The following MAST2 variants were observed in gnomAD, a reference collection of about 807,000 sequenced individuals.
MAST2 encodes the protein microtubule associated serine/threonine kinase 2.
MAST2 carries 70 observed loss-of-function variants against 147.4 expected under a neutral mutation model. The observed-to-expected ratio is 0.47, with a 90% CI of 0.39 to 0.58. The LOEUF (loss-of-function observed/expected upper bound fraction) is 0.58. MAST2 is among the 20% of genes least tolerant of loss of function. MAST2 has a pLI of 0.00. For synonymous variants in MAST2, 869 were observed against 896.8 expected, an observed-to-expected ratio of 0.97 and a Z score of 0.55; for missense variants, 2,080 against 2,302.3, an observed-to-expected ratio of 0.90 and a Z score of 1.98.
chr1:46,008,054 C>T (rs576040004), intron 8 of MAST2, among the ~76,000 whole-genome samples: 1 of 152,192 alleles, frequency 6.6e-6, no homozygotes, highest in South Asian at 2.1e-4. Context: ...CTTTCTAGGT[C>T]TTTCTAGCCT....
chr1:45,899,138 A>T (rs1415220928), intron 4 of MAST2, among the ~76,000 whole-genome samples: 1 of 152,164 alleles, frequency 6.6e-6, no homozygotes, highest in Non-Finnish European at 1.5e-5. Flanking sequence ...CTTTGATCAG[A>T]GGAGTAGTCT....
chr1:45,845,051 A>C (rs1645388108), intron 3 of MAST2, among the ~76,000 whole-genome samples: 1 of 152,144 alleles, frequency 6.6e-6, no homozygotes, highest in South Asian at 2.1e-4. Flanking sequence ...CACCTCTCAA[A>C]AGGCCAAATC....
intron 3 of MAST2, among the ~76,000 whole-genome samples, chr1:45,830,188 T>TTA (rs1294716497): frequency 2.7e-5 from 4 of 146,824 alleles, no homozygotes; most frequent in African/African-American, 1.0e-4. Context: ...AATCTTTTTT[T>TTA]TTTTTTTTTT....
chr1:45,965,333 A>G (rs1317262879), intron 5 of MAST2, among the ~76,000 whole-genome samples: 1 of 152,132 alleles, frequency 6.6e-6, no homozygotes, highest in Admixed American at 6.5e-5. Flanking sequence ...AAAGTCTCCC[A>G]TTATTATTGT....
rs1356998133 is a variant in MAST2, at chr1:45,832,873, C to A, written c.468+3292C>A. ...GGTGTATTTCACAGACATGTACAGC[C>A]ATCACTGTAGTCAATTTAAGAATAT... On this transcript the variant is annotated intron_variant, in intron 3 of 28. Transcript: ENST00000361297. 3.3e-5 allele frequency among the ~76,000 whole-genome samples: 5 copies of A among 152,094 alleles called. No individual in the cohort carries two copies. The East Asian group carries it at 9.6e-4, about 29-fold the overall frequency.
intron 4 of MAST2, among the ~76,000 whole-genome samples, chr1:45,931,377 G>GCTT (rs1553235899): frequency 9.9e-6 from 1 of 101,224 alleles, no homozygotes; most frequent in African/African-American, 3.9e-5. Flanking sequence ...ATTGTGTTCT[G>GCTT]TTTTTTTTTT....
intron 5 of MAST2, among the ~76,000 whole-genome samples, chr1:45,960,980 T>C (rs999761664): frequency 6.6e-6 from 1 of 152,168 alleles, no homozygotes; most frequent in Admixed American, 6.5e-5. Context: ...ATGTGGAGTA[T>C]TTGAGGGTCC....
chr1:45,943,049 A>G (rs2148813408), intron 4 of MAST2, among the ~76,000 whole-genome samples: 1 of 152,340 alleles, frequency 6.6e-6, no homozygotes, highest in Middle Eastern at 3.4e-3. Flanking sequence ...AGAGAAGGAA[A>G]TTTGAGCTGA....
At chr1:45,822,661 C>T (rs1242728963) in intron 1 of MAST2, among the ~76,000 whole-genome samples, 3 of 152,182 alleles carry the variant, frequency 2.0e-5, no homozygotes, top group African/African-American at 7.2e-5. Flanking sequence ...TCCACATTGT[C>T]TTCATAGAGG....
At chr1:45,937,025 A>C (rs1040360507) in intron 4 of MAST2, among the ~76,000 whole-genome samples, 2 of 140,256 alleles carry the variant, frequency 1.4e-5, no homozygotes, top group Non-Finnish European at 3.0e-5. Context: ...TAAAGGCATT[A>C]TACCACCATG....
At chr1:45,915,842 A>G (rs747757604) in intron 4 of MAST2, among the ~76,000 whole-genome samples, 68 of 152,212 alleles carry the variant, frequency 4.5e-4, no homozygotes, top group Non-Finnish European at 8.2e-4. Flanking sequence ...TTGTACAAGC[A>G]TATTATTCAG....
At position 45,907,665 on chromosome 1, in the gene MAST2, C is replaced by A. The variant is rs999108253; in HGVS notation, c.500+25270C>A. On this transcript the variant is annotated intron_variant, in intron 4 of 28. Transcript: ENST00000361297. The stretch of plus-strand genomic sequence containing the variant: ...ATGCAACTGTTGTCACCATCTATTT[C>A]TAAAACTTTTCCATGGTCCCAGGTA... Among the ~76,000 whole-genome samples the A allele has an allele frequency of 6.6e-5, 10 of 152,148 alleles. 1 individual carries two copies. Among genetic ancestry groups the A allele is most frequent in the African/African-American group, 7.2e-5 (3 of 41,416 alleles).
chr1:45,932,305 C>A (rs976538429), intron 4 of MAST2, among the ~76,000 whole-genome samples: 2 of 152,114 alleles, frequency 1.3e-5, no homozygotes, highest in Admixed American at 1.3e-4. Context: ...TCTTTCTATA[C>A]CCATCAGTTG....
chr1:45,886,911 G>A (rs1647117797), intron 4 of MAST2, among the ~76,000 whole-genome samples: 1 of 152,090 alleles, frequency 6.6e-6, no homozygotes. Context: ...ACTGCAGCCT[G>A]GTCCTCCCTG....
At position 46,035,215 on chromosome 1, in the gene MAST2, C is replaced by CAGGGT. The variant is rs1220576826; in HGVS notation, c.4547_4551dup (p.Ala1518ArgfsTer6). The stretch of plus-strand genomic sequence containing the variant: ...CACCGAGGAAGGGCCTGAGAACAGC[C>CAGGGT]AGGGTGCACAGGAGCTGAGCTTGGC... On this transcript the variant is annotated frameshift_variant, in exon 29 of 29. Transcript: ENST00000361297. LOFTEE classifies it low-confidence loss of function (END_TRUNC). This position sits in a 1 kb window ranked among gnomAD's most constrained non-coding sequence, Gnocchi z 5.5. The CAGGGT allele has an allele frequency of 6.2e-7, 1 of 1,613,950 alleles. No homozygotes were observed. The highest frequency in any genetic ancestry group is 1.3e-5 in the African/African-American group (1 of 74,928).
At chr1:45,880,298 A>G (rs1646787023) in intron 3 of MAST2, among the ~76,000 whole-genome samples, 1 of 152,230 alleles carries the variant, frequency 6.6e-6, no homozygotes, top group Admixed American at 6.5e-5. Flanking sequence ...AGCCTATGTA[A>G]AAAGGTTTAT....
At chr1:45,849,310 T>C (rs1404163521) in intron 3 of MAST2, among the ~76,000 whole-genome samples, 1 of 152,126 alleles carries the variant, frequency 6.6e-6, no homozygotes, top group Non-Finnish European at 1.5e-5. Flanking sequence ...ACTGGGGGCC[T>C]CACGTTACCC....
intron 4 of MAST2, among the ~76,000 whole-genome samples, chr1:45,947,214 T>C (rs1163968159): frequency 4.0e-5 from 6 of 151,490 alleles, no homozygotes; most frequent in Non-Finnish European, 7.4e-5. Context: ...GGGTTGTTAG[T>C]TTTACAAGCC....
At position 45,975,493 on chromosome 1, in the gene MAST2, TCCAAAAAAAA is replaced by T. The variant is rs878992810; in HGVS notation, c.592+16017_592+16026del. 1.0e-3 allele frequency among the ~76,000 whole-genome samples: 58 copies of T among 57,594 alleles called. 1 individual carries two copies. Among genetic ancestry groups the T allele is most frequent in the Non-Finnish European group, 1.6e-3 (44 of 27,752 alleles). The allele number at this position is 57,594 out of a possible 152,430, so 37.8% of individuals were successfully genotyped here. A position where few individuals can be genotyped will look rare whatever the true frequency, so the allele number is the denominator to read the frequency against. On this transcript the variant is annotated intron_variant, in intron 5 of 28. Coordinates refer to ENST00000361297, the MANE Select transcript of MAST2 (RefSeq NM_015112.3). ...AGGCAATATAGTGAGTCCCTGTCTC[TCCAAAAAAAA>T]AAAAAAAAAAAAAAAAAAGCCAGGT... is the stretch of plus-strand genomic sequence containing the variant.
Sources: allele counts gnomAD v4.1 joint callset (sites outside exome capture counted in the v4.1 genomes callset), GRCh38; gene constraint gnomAD v4.1.1; non-coding constraint Gnocchi (gnomAD v3.1); transcripts MANE v1.5; gene names NCBI Gene and HGNC (gene_info 2026-07-23, HGNC 2026-07-21).